MED13: variants seen among roughly 807,000 people sequenced by gnomAD.
MED13 encodes mediator of RNA polymerase II transcription subunit 13.
A neutral mutation model predicts 225.2 loss-of-function variants in MED13; 23 were observed. The observed-to-expected ratio is 0.10, with a 90% CI of 0.07 to 0.14. The LOEUF is 0.14. MED13 is among the 10% of genes least tolerant of loss of function. MED13 has a pLI of 1.00. For missense variants in MED13, 2,197 were observed against 2,594.5 expected (o/e 0.85, Z 3.33); for synonymous variants, 942 against 889.2 (o/e 1.06, Z -1.06).
chr17:61,964,543 T>C (rs1312131816), intron 20 of MED13, among the ~76,000 whole-genome samples: 1 of 152,112 alleles, frequency 6.6e-6, no homozygotes, highest in African/African-American at 2.4e-5. Flanking sequence ...CCAGCCTGGG[T>C]GACAGAGTGA....
intron 28 of MED13, among the ~76,000 whole-genome samples, chr17:61,949,980 G>A (rs1159457913): frequency 6.6e-6 from 1 of 152,146 alleles, no homozygotes; most frequent in Non-Finnish European, 1.5e-5. Context: ...ACTGCGCCCA[G>A]CCCAAGATTA....
In MED13 at chr17:61,984,828, T is replaced by C. The variant is rs767860266; in HGVS notation, c.2514A>G (p.Pro838=). 6 of 1,613,492 alleles carry C rather than the reference T, an allele frequency of 3.7e-6. 1 individual carries two copies. The highest frequency in any genetic ancestry group is 3.3e-5 in the Admixed American group (2 of 60,008). Residue 838 remains proline (P), a synonymous_variant, in exon 14 of 30, where the codon CCA becomes CCG. Transcript: ENST00000397786. The part of the protein sequence containing the change: ...ADLHKMYPTP[P]SLEQHIMGFS... ...ATCCCATAATATGTTGTTCCAATGA[T>C]GGTGGTGTAGGATACATTTTATGAA...
chr17:61,975,742 G>A (rs1052395932), intron 16 of MED13, among the ~76,000 whole-genome samples: 9 of 152,168 alleles, frequency 5.9e-5, no homozygotes, highest in Non-Finnish European at 1.3e-4. Context: ...AAGGCCAAGC[G>A]CAATGGCTCA....
Position 62,063,763 on chromosome 17 carries a change from G to A in MED13, c.67-462C>T, listed in dbSNP as rs568381528. ...CTGAACAAGTTCTGAAAAAATCTAT[G>A]TTAATTCTTCACACACACCCCTGTC... On this transcript the variant is annotated intron_variant, in intron 1 of 29. Transcript: ENST00000397786. 2.0e-5 allele frequency among the ~76,000 whole-genome samples: 3 copies of A among 152,270 alleles called. No individual in the cohort carries two copies. The South Asian group carries it at 6.2e-4, about 32-fold the overall frequency.
chr17:62,045,372 C>T (rs771129311), intron 3 of MED13, among the ~76,000 whole-genome samples: 2 of 152,044 alleles, frequency 1.3e-5, no homozygotes, highest in Non-Finnish European at 2.9e-5. Flanking sequence ...TAAGAAAGTT[C>T]TTGGCCAGGC....
intron 9 of MED13, among the ~76,000 whole-genome samples, chr17:62,003,346 C>T (rs1227319567): frequency 6.6e-6 from 1 of 152,084 alleles, no homozygotes; most frequent in African/African-American, 2.4e-5. Context: ...TGCCTCACAC[C>T]TGTAATCCCA....
At chr17:61,961,820 A>G in intron 21 of MED13, 41 bp from the exon 22 acceptor site, 1 of 1,564,306 alleles carries the variant, frequency 6.4e-7, no homozygotes, top group Non-Finnish European at 8.7e-7. Context: ...TAAACTTCCA[A>G]AAGAGAATAA....
chr17:61,960,123 C>T (rs2143337994), intron 23 of MED13, among the ~76,000 whole-genome samples: 1 of 152,260 alleles, frequency 6.6e-6, no homozygotes, highest in East Asian at 1.9e-4. Context: ...TTTCAAGTCT[C>T]TACTAAAGGC....
chr17:62,063,007 T>C, intron 2 of MED13, 60 bp downstream of exon 2: 2 of 1,311,322 alleles, frequency 1.5e-6, no homozygotes, highest in Non-Finnish European at 2.2e-6. Flanking sequence ...ACATATGACA[T>C]TCTGGGAGAA....
chr17:62,013,060 G>C (rs796816346), intron 8 of MED13, among the ~76,000 whole-genome samples: 7 of 152,140 alleles, frequency 4.6e-5, no homozygotes, highest in African/African-American at 1.7e-4. Flanking sequence ...CAAAGTGCTG[G>C]GATTACAGGC....
chr17:61,959,771 C>G (rs1006074963), intron 23 of MED13, among the ~76,000 whole-genome samples: 1 of 148,154 alleles, frequency 6.7e-6, no homozygotes, highest in Admixed American at 6.8e-5. Context: ...CTCTGTCGCC[C>G]ACGTTAAAGT....
intron 27 of MED13, 71 bp from the exon 28 acceptor site, chr17:61,951,069 G>A (rs2079892501): frequency 1.7e-6 from 2 of 1,191,512 alleles, no homozygotes; most frequent in Non-Finnish European, 2.3e-6. Context: ...AACACAGAAT[G>A]GCTCATAGCA....
At chr17:61,991,683 T>C (rs926275509) in intron 11 of MED13, among the ~76,000 whole-genome samples, 16 of 152,030 alleles carry the variant, frequency 1.1e-4, no homozygotes, top group Non-Finnish European at 4.4e-5. Flanking sequence ...AATTTTTCTA[T>C]TTTTTTAGTA....
intron 8 of MED13, among the ~76,000 whole-genome samples, chr17:62,023,330 A>C (rs2080668200): frequency 6.6e-6 from 1 of 152,000 alleles, no homozygotes; most frequent in Non-Finnish European, 1.5e-5. Context: ...AAAACAGAGG[A>C]AAGTGAGGAA....
chr17:62,063,782 C>T (rs1182603037), intron 1 of MED13, among the ~76,000 whole-genome samples: 1 of 152,094 alleles, frequency 6.6e-6, no homozygotes, highest in Admixed American at 6.5e-5. Context: ...TCACACACAC[C>T]CCTGTCGGAA....
At chr17:62,048,820 G>A (rs1433553559) in intron 3 of MED13, among the ~76,000 whole-genome samples, 1 of 152,092 alleles carries the variant, frequency 6.6e-6, no homozygotes, top group African/African-American at 2.4e-5. Flanking sequence ...AGTAAAGCCT[G>A]CAATGTCATA....
Position 61,966,443 on chromosome 17 carries a change from A to T in MED13, c.4381+19T>A, listed in dbSNP as rs758496696. 56 of 1,591,716 alleles carry T rather than the reference A, an allele frequency of 3.5e-5. No individual in the cohort carries two copies. The highest frequency in any genetic ancestry group is 4.7e-5 in the Non-Finnish European group (55 of 1,170,054). The stretch of plus-strand genomic sequence containing the variant: ...ATTTTGCTAACACCAGCCTTATACA[A>T]TAAATACAAATTCAATACCTAGGTC... On this transcript the variant is annotated intron_variant, in intron 19 of 29. Transcript: ENST00000397786.
intron 8 of MED13, among the ~76,000 whole-genome samples, chr17:62,012,732 A>G (rs961549977): frequency 6.6e-6 from 1 of 152,194 alleles, no homozygotes. Flanking sequence ...AGCTATCCAG[A>G]AAGAGTATTA....
chr17:61,972,112 C>A (rs1410739012), intron 17 of MED13, among the ~76,000 whole-genome samples: 1 of 152,100 alleles, frequency 6.6e-6, no homozygotes, highest in Non-Finnish European at 1.5e-5. Context: ...AATCCATACA[C>A]AAAAGTCAAA....
Sources: gnomAD v4.1 joint callset for allele counts (sites outside exome capture counted in the v4.1 genomes callset) on GRCh38, gnomAD v4.1.1 for gene constraint, MANE v1.5 for transcripts, NCBI Gene and HGNC (gene_info 2026-07-23, HGNC 2026-07-21) for gene names.